Variants in SETBP1 observed in about 807,000 individuals in gnomAD.
SETBP1 encodes the protein SET-binding protein.
A neutral mutation model predicts 101.0 loss-of-function variants in SETBP1; 9 were observed. The ratio of observed to expected loss-of-function variants is 0.09; its 90% CI spans 0.05 to 0.16. The LOEUF (loss-of-function observed/expected upper bound fraction) is 0.16. Ranked by LOEUF, SETBP1 falls within the 10% of genes least tolerant of loss-of-function variation. SETBP1 has a pLI of 1.00. For missense variants in SETBP1, 1,858 were observed against 2,033.8 expected, an observed-to-expected ratio of 0.91 and a Z score of 1.66; for synonymous variants, 818 against 788.5, an observed-to-expected ratio of 1.04 and a Z score of -0.63.
chr18:44,700,837 T>C (rs1218378260), intron 1 of SETBP1, among the ~76,000 whole-genome samples: 1 of 152,186 alleles, frequency 6.6e-6, no homozygotes, highest in Non-Finnish European at 1.5e-5. Context: ...CCTTTCGTCA[T>C]GATTGGTTTT....
At chr18:44,876,521 T>G in intron 3 of SETBP1, 1 of 1,426,942 alleles carries the variant, frequency 7.0e-7, no homozygotes, top group Non-Finnish European at 9.7e-7. Context: ...TATTGGTATT[T>G]TCAGAAGCTC....
At chr18:44,778,553 A>G (rs1288346493) in intron 2 of SETBP1, among the ~76,000 whole-genome samples, 2 of 152,222 alleles carry the variant, frequency 1.3e-5, no homozygotes, top group African/African-American at 4.8e-5. Context: ...ACAAACAAAA[A>G]GCCTCTGTTC....
intron 2 of SETBP1, among the ~76,000 whole-genome samples, chr18:44,830,831 T>C (rs1466480607): frequency 1.3e-5 from 2 of 152,214 alleles, no homozygotes; most frequent in Non-Finnish European, 2.9e-5. Flanking sequence ...ACCCTATACA[T>C]TGAGAATTTG....
chr18:44,860,616 G>A lies in SETBP1; in HGVS notation c.487-8614G>A, dbSNP rs148191089. Among the ~76,000 whole-genome samples the A allele has an allele frequency of 2.0e-3, 301 of 152,164 alleles. 2 individuals carry two copies. Among genetic ancestry groups the A allele is most frequent in the Non-Finnish European group, 3.4e-3 (233 of 68,016 alleles). On this transcript the variant is annotated intron_variant, in intron 2 of 5. Transcript: ENST00000649279. Reference sequence around the variant, plus strand: ...TGTAAAATTAGCCAGGCATGTTGGCGCGTGCCTGTAATCCCAGCTACTTGG... The same window carrying A: ...TGTAAAATTAGCCAGGCATGTTGGCACGTGCCTGTAATCCCAGCTACTTGG...
Position 45,038,590 on chromosome 18 carries a change from G to A in SETBP1, c.4106G>A (p.Ser1369Asn). 2 of 1,614,182 alleles carry A rather than the reference G, an allele frequency of 1.2e-6. No homozygotes were observed. Among genetic ancestry groups the A allele is most frequent in the East Asian group, 2.2e-5 (1 of 44,878 alleles). Residue 1369 changes from serine (S) to asparagine (N), a missense_variant, in exon 5 of 6, where the codon AGT (serine) becomes AAT (asparagine). Ser to Asn is a conservative substitution (Grantham distance 46). Coordinates refer to ENST00000649279, the MANE Select transcript of SETBP1 (RefSeq NM_015559.3). ...AGGAAGAAGCCAGCCGCAGTTGACAGTGTTACAATTCCACCAGCCCCAGTG... is the reference window on the plus strand; with the variant it reads ...AGGAAGAAGCCAGCCGCAGTTGACAATGTTACAATTCCACCAGCCCCAGTG... ...MTRKKPAAVD[S>N]VTIPPAPVLS... is the part of the protein sequence containing the mutation.
At chr18:44,854,839 A>G (rs2072939895) in intron 2 of SETBP1, among the ~76,000 whole-genome samples, 1 of 152,126 alleles carries the variant, frequency 6.6e-6, no homozygotes, top group South Asian at 2.1e-4. Context: ...TATACCTCTT[A>G]GCTCTGACCT....
intron 2 of SETBP1, among the ~76,000 whole-genome samples, chr18:44,847,494 G>A (rs1337501212): frequency 6.6e-6 from 1 of 152,216 alleles, no homozygotes; most frequent in Non-Finnish European, 1.5e-5. Flanking sequence ...CTTGGCAGTT[G>A]TGTGAGGAAG....
At chr18:44,758,242 A>G (rs545439618) in intron 2 of SETBP1, among the ~76,000 whole-genome samples, 7 of 152,328 alleles carry the variant, frequency 4.6e-5, no homozygotes. Context: ...AGCTTTAGCC[A>G]AATTAAGAAG....
chr18:44,845,841 C>A (rs774990221), intron 2 of SETBP1, among the ~76,000 whole-genome samples: 1 of 152,206 alleles, frequency 6.6e-6, no homozygotes, highest in Non-Finnish European at 1.5e-5. Flanking sequence ...GGGAGGGAAT[C>A]GATGTAGAAA....
intron 3 of SETBP1, among the ~76,000 whole-genome samples, chr18:44,908,737 A>T (rs545327675): frequency 7.2e-4 from 109 of 152,268 alleles, no homozygotes; most frequent in African/African-American, 2.4e-3. Context: ...GCTCTCCTAG[A>T]TTTGTTAATG....
intron 3 of SETBP1, 165 bp downstream of exon 3, chr18:44,869,448 C>G (rs563340579): frequency 1.4e-6 from 1 of 704,586 alleles, no homozygotes; most frequent in East Asian, 2.7e-5. Context: ...CCTCCTCCAG[C>G]TCCTCTCATT....
At chr18:44,976,073 TACACAC>T (rs57458132) in intron 4 of SETBP1, among the ~76,000 whole-genome samples, 5,672 of 143,142 alleles carry the variant, frequency 0.04, 237 homozygotes, top group African/African-American at 0.11. Flanking sequence ...TGGGGAGGGA[TACACAC>T]ACACACACAC....
intron 2 of SETBP1, among the ~76,000 whole-genome samples, chr18:44,799,533 G>A (rs1466719639): frequency 6.6e-6 from 1 of 152,178 alleles, no homozygotes; most frequent in Admixed American, 6.5e-5. Context: ...TCTACCTCCA[G>A]GTTGTGAGCT....
At chr18:44,800,007 T>G (rs1162959839) in intron 2 of SETBP1, among the ~76,000 whole-genome samples, 2 of 152,172 alleles carry the variant, frequency 1.3e-5, no homozygotes, top group Non-Finnish European at 2.9e-5. Context: ...CCTTGGAAAC[T>G]GTGGACAGCT....
At chr18:44,918,415 G>T (rs2070497920) in intron 3 of SETBP1, among the ~76,000 whole-genome samples, 1 of 152,304 alleles carries the variant, frequency 6.6e-6, no homozygotes, top group African/African-American at 2.4e-5. Context: ...TTCCAGGAGA[G>T]GATCCCAGTG....
At chr18:44,910,664 T>C (rs772046512) in intron 3 of SETBP1, among the ~76,000 whole-genome samples, 2 of 152,310 alleles carry the variant, frequency 1.3e-5, no homozygotes, top group African/African-American at 2.4e-5. Context: ...CAGAGGAAAC[T>C]AAATTTCTTG....
In SETBP1 at chr18:45,055,441, TTAA is replaced by T. The variant is rs374035687; in HGVS notation, c.4172-7636_4172-7634del. On this transcript the variant is annotated intron_variant, in intron 5 of 5. Transcript: ENST00000649279. ...ATTTTAAATTTCATTTTACCTATTATTAATGAAACAAAAATATTTTTGTTGCTA... is the reference window on the plus strand; with the variant it reads ...ATTTTAAATTTCATTTTACCTATTATTGAAACAAAAATATTTTTGTTGCTA... Among the ~76,000 whole-genome samples, 89 of 152,340 alleles carry T rather than the reference TTAA, an allele frequency of 5.8e-4. No individual in the cohort carries two copies. The East Asian group carries it at 0.013, about 21-fold the overall frequency.
chr18:45,006,382 T>C (rs1420363393), intron 4 of SETBP1, among the ~76,000 whole-genome samples: 2 of 152,176 alleles, frequency 1.3e-5, no homozygotes, highest in African/African-American at 2.4e-5. Context: ...CTGTATCAGT[T>C]TGAGATGTAG....
chr18:44,738,576 C>G (rs1357382218), intron 2 of SETBP1, among the ~76,000 whole-genome samples: 1 of 152,090 alleles, frequency 6.6e-6, no homozygotes, highest in Non-Finnish European at 1.5e-5. Context: ...GAGTTCAAGA[C>G]CAGCCTGCCC....
Sources: gnomAD v4.1 joint callset for allele counts (sites outside exome capture counted in the v4.1 genomes callset) on GRCh38, gnomAD v4.1.1 for gene constraint, MANE v1.5 for transcripts, NCBI Gene and HGNC (gene_info 2026-07-23, HGNC 2026-07-21) for gene names.